Variants in SEMA3A observed in about 807,000 individuals in gnomAD.
The protein encoded by SEMA3A is semaphorin-3A.
SEMA3A carries 29 observed loss-of-function variants against 97.9 expected under a neutral mutation model. That is an observed-to-expected ratio of 0.30 (90% confidence interval 0.22 to 0.40). SEMA3A has a LOEUF of 0.40. Ranked by LOEUF, SEMA3A falls within the 10% of genes least tolerant of loss-of-function variation. The pLI, the probability that SEMA3A is intolerant of heterozygous loss-of-function variation, is 1.00. For missense variants in SEMA3A, 763 were observed against 951.3 expected (o/e 0.80, Z 2.60); for synonymous variants, 321 against 323.7 (o/e 0.99, Z 0.09).
At chr7:84,197,851 C>A (rs868010020), upstream of SEMA3A, among the ~76,000 whole-genome samples, 1 of 149,788 alleles carries the variant, frequency 6.7e-6, no homozygotes, top group Admixed American at 6.7e-5. Flanking sequence ...GTAATTCTCC[C>A]GTCTCAGCCT....
intron 3 of SEMA3A, among the ~76,000 whole-genome samples, chr7:84,209,841 AC>A (rs1378970787): frequency 6.6e-6 from 1 of 152,216 alleles, no homozygotes; most frequent in African/African-American, 2.4e-5. Context: ...CTCTGAAGTA[AC>A]AACCTGGGAT....
chr7:84,055,578 G>A (rs10954745), intron 5 of SEMA3A, among the ~76,000 whole-genome samples: 83,768 of 151,106 alleles, frequency 0.55, 25,055 homozygotes, highest in Non-Finnish European at 0.67. Context: ...CACGGTGCGC[G>A]CACCCACTGA....
intron 2 of SEMA3A, among the ~76,000 whole-genome samples, chr7:84,349,617 C>T (rs1802387047): frequency 6.6e-6 from 1 of 152,070 alleles, no homozygotes; most frequent in Non-Finnish European, 1.5e-5. Context: ...GACACTGTGA[C>T]CAGAGGAAAA....
chr7:84,104,806 C>T (rs1043866654), intron 4 of SEMA3A, among the ~76,000 whole-genome samples: 1 of 152,182 alleles, frequency 6.6e-6, no homozygotes, highest in African/African-American at 2.4e-5. Context: ...AATTTATTAA[C>T]TGCAAAGCTT....
intron 1 of SEMA3A, among the ~76,000 whole-genome samples, chr7:84,428,043 T>A (rs1206734035): frequency 6.6e-6 from 1 of 152,130 alleles, no homozygotes; most frequent in African/African-American, 2.4e-5. Context: ...ATGAAAAAAG[T>A]TCAACAAATA....
intron 4 of SEMA3A, among the ~76,000 whole-genome samples, chr7:84,099,788 G>A (rs11977682): frequency 0.43 from 64,712 of 151,768 alleles, 15,218 homozygotes; most frequent in Admixed American, 0.53. Context: ...CTTTCACTCA[G>A]TATCAGAATA....
intron 1 of SEMA3A, among the ~76,000 whole-genome samples, chr7:84,485,591 T>A (rs773172319): frequency 6.6e-6 from 1 of 152,216 alleles, no homozygotes; most frequent in African/African-American, 2.4e-5. Context: ...CCCAGGCTAG[T>A]CATGAACTCC....
In SEMA3A at chr7:84,095,370, T is replaced by TTTTATTTTTTTTATATAC. The variant is rs1562778249; in HGVS notation, c.453+15099_453+15100insGTATATAAAAAAAATAAA. Among the ~76,000 whole-genome samples the TTTTATTTTTTTTATATAC allele has an allele frequency of 4.3e-3, 233 of 54,226 alleles. 13 individuals are homozygous for TTTTATTTTTTTTATATAC. The highest frequency in any genetic ancestry group is 8.9e-3 in the Non-Finnish European group (149 of 16,660). 35.6% of individuals were successfully genotyped at this position (54,226 alleles called of 152,430 possible). ...TATTTTTTATATACATATATATATA[T>TTTTATTTTTTTTATATAC]ATATATATATATATATATTCCCATT... is the stretch of plus-strand genomic sequence containing the variant. On this transcript the variant is annotated intron_variant, in intron 4 of 16. Coordinates refer to ENST00000265362, the MANE Select transcript of SEMA3A (RefSeq NM_006080.3).
At chr7:84,184,069 A>T (rs1266722945) in intron 1 of SEMA3A, among the ~76,000 whole-genome samples, 1 of 152,150 alleles carries the variant, frequency 6.6e-6, no homozygotes, top group Non-Finnish European at 1.5e-5. Flanking sequence ...GTTTTTCCCT[A>T]CTTGACAGCT....
At chr7:83,977,047 A>G (rs1789177627) in intron 15 of SEMA3A, 85 bp downstream of exon 15, 3 of 658,540 alleles carry the variant, frequency 4.6e-6, no homozygotes, top group Non-Finnish European at 7.4e-6. Flanking sequence ...TGAGAGATGC[A>G]TACATTGCAT....
At chr7:84,321,290 A>G (rs942709357) in intron 2 of SEMA3A, among the ~76,000 whole-genome samples, 2 of 152,174 alleles carry the variant, frequency 1.3e-5, no homozygotes, top group Non-Finnish European at 2.9e-5. Flanking sequence ...TCTTTATTGT[A>G]TGTTTTTCCA....
At chr7:84,162,942 G>A (rs549718131) in intron 1 of SEMA3A, among the ~76,000 whole-genome samples, 2 of 152,314 alleles carry the variant, frequency 1.3e-5, no homozygotes, top group East Asian at 1.9e-4. Flanking sequence ...TAGGGAGAGA[G>A]CTACTACATG....
chr7:84,448,916 A>G (rs968586159), intron 1 of SEMA3A, among the ~76,000 whole-genome samples: 21 of 152,202 alleles, frequency 1.4e-4, no homozygotes, highest in Admixed American at 6.5e-4. Context: ...CAAAACTACA[A>G]TAACCACAAC....
At chr7:84,411,004 G>A (rs1233026397) in intron 1 of SEMA3A, among the ~76,000 whole-genome samples, 2 of 152,086 alleles carry the variant, frequency 1.3e-5, no homozygotes, top group Non-Finnish European at 2.9e-5. Context: ...GAAGGTTTAA[G>A]ATAGAGGAAT....
intron 1 of SEMA3A, among the ~76,000 whole-genome samples, chr7:84,434,529 T>C (rs1670101634): frequency 6.6e-6 from 1 of 152,110 alleles, no homozygotes; most frequent in Non-Finnish European, 1.5e-5. Context: ...AGAACCACCC[T>C]GATACCAAAA....
chr7:84,257,954 T>C (rs1319669782), intron 3 of SEMA3A, among the ~76,000 whole-genome samples: 1 of 152,184 alleles, frequency 6.6e-6, no homozygotes, highest in Non-Finnish European at 1.5e-5. Flanking sequence ...TCATTTCTTG[T>C]GTTTCTTACT....
chr7:84,339,521 C>T (rs1231431457), intron 2 of SEMA3A, among the ~76,000 whole-genome samples: 1 of 152,038 alleles, frequency 6.6e-6, no homozygotes, highest in African/African-American at 2.4e-5. Flanking sequence ...TTCATAGTTC[C>T]TACTGTGTAG....
intron 1 of SEMA3A, among the ~76,000 whole-genome samples, chr7:84,420,246 A>G (rs1333512318): frequency 6.6e-6 from 1 of 151,978 alleles, no homozygotes; most frequent in Non-Finnish European, 1.5e-5. Flanking sequence ...TGTTTATAAT[A>G]TAAATAGTTT....
chr7:84,335,606 A>G (rs2115966636), intron 2 of SEMA3A, among the ~76,000 whole-genome samples: 1 of 152,252 alleles, frequency 6.6e-6, no homozygotes, highest in East Asian at 1.9e-4. Context: ...TTTAAATGAT[A>G]GACATTTATG....
Sources: allele counts gnomAD v4.1 joint callset (sites outside exome capture counted in the v4.1 genomes callset), GRCh38; gene constraint gnomAD v4.1.1; transcripts MANE v1.5; gene names NCBI Gene and HGNC (gene_info 2026-07-23, HGNC 2026-07-21).